The following OSBPL3 variants were observed in gnomAD, a reference collection of about 807,000 sequenced individuals.
OSBPL3 encodes the protein oxysterol binding protein like 3, also known as oxysterol-binding protein-related protein 3.
A neutral mutation model predicts 120.1 loss-of-function variants in OSBPL3; 65 were observed. That is an observed-to-expected ratio of 0.54 (90% CI 0.44 to 0.67). The LOEUF (loss-of-function observed/expected upper bound fraction) is 0.67, where lower values mean the gene tolerates loss of function less well. Ranked by LOEUF, OSBPL3 falls within the 30% of genes least tolerant of loss-of-function variation. OSBPL3 has a pLI of 0.00. For missense variants in OSBPL3, 1,004 were observed against 1,082.1 expected, an observed-to-expected ratio of 0.93 and a Z score of 1.01; for synonymous variants, 416 against 402.6, an observed-to-expected ratio of 1.03 and a Z score of -0.40.
chr7:24,886,773 C>A (rs928810250), intron 2 of OSBPL3, among the ~76,000 whole-genome samples: 1 of 152,152 alleles, frequency 6.6e-6, no homozygotes, highest in African/African-American at 2.4e-5. Flanking sequence ...GGTTCCAAAC[C>A]AGAACATTTG....
intron 1 of OSBPL3, among the ~76,000 whole-genome samples, chr7:24,971,453 A>G (rs954134509): frequency 6.6e-6 from 1 of 152,248 alleles, no homozygotes; most frequent in Non-Finnish European, 1.5e-5. Flanking sequence ...ACAAAGCTGT[A>G]TGCACAGATG....
rs187226776 is a variant in OSBPL3 at position 24,877,832 on chromosome 7, A to C, written c.97-5763T>G. Among the ~76,000 whole-genome samples the C allele has an allele frequency of 3.1e-4, 47 of 152,274 alleles. No individual in the cohort carries two copies. The highest frequency in any genetic ancestry group is 8.9e-4 in the African/African-American group (37 of 41,560). ...CATATCCTGAGACACAGTACAGGGT[A>C]GACTTGGGCCCTTGGGGAAATCAAG... is the stretch of plus-strand genomic sequence containing the variant. On this transcript the variant is annotated intron_variant, in intron 2 of 22. Transcript: ENST00000313367. This position sits in a 1 kb window ranked among gnomAD's most constrained non-coding sequence, Gnocchi z 4.8.
intron 2 of OSBPL3, among the ~76,000 whole-genome samples, chr7:24,886,424 G>A (rs910211745): frequency 6.6e-6 from 1 of 152,166 alleles, no homozygotes; most frequent in Non-Finnish European, 1.5e-5. Context: ...AAAATCAATG[G>A]GGAAGCCCTT....
At position 24,900,525 on chromosome 7, in the gene OSBPL3, A is replaced by G. The variant is rs1327892688; in HGVS notation, c.-149-7904T>C. ...TTGTCAGGGATTAGAGTAGACCCTG[A>G]GTTCTTTTCTGGGAAAGATTTTGTC... On this transcript the variant is annotated intron_variant, in intron 1 of 22. Coordinates refer to ENST00000313367, the MANE Select transcript of OSBPL3 (RefSeq NM_015550.4). The surrounding 1 kb of genome is among the most constrained non-coding windows in gnomAD (Gnocchi z 4.5). Among the ~76,000 whole-genome samples, 1 of 152,194 alleles carries G rather than the reference A, an allele frequency of 6.6e-6. No individual in the cohort carries two copies. Among genetic ancestry groups the G allele is most frequent in the Non-Finnish European group, 1.5e-5 (1 of 68,014 alleles).
At chr7:24,847,671 G>A (rs1798609902) in intron 12 of OSBPL3, among the ~76,000 whole-genome samples, 1 of 152,182 alleles carries the variant, frequency 6.6e-6, no homozygotes, top group African/African-American at 2.4e-5. Flanking sequence ...TTAACTACCT[G>A]TTAAATCAGT....
In OSBPL3 at chr7:24,967,666, G is replaced by A. The variant is rs1351680407; in HGVS notation, c.-150+12220C>T. On this transcript the variant is annotated intron_variant, in intron 1 of 22. Transcript: ENST00000313367. This position sits in a 1 kb window ranked among gnomAD's most constrained non-coding sequence, Gnocchi z 5.6. ...TATGGTCCTCCAATCTTTGTGACTA[G>A]TTACCCTTCCCCTACCTACCTCTTG... 1.3e-5 allele frequency among the ~76,000 whole-genome samples: 2 copies of A among 152,106 alleles called. No individual in the cohort carries two copies. Among genetic ancestry groups the A allele is most frequent in the Non-Finnish European group, 2.9e-5 (2 of 68,016 alleles).
chr7:24,930,394 A>C lies in OSBPL3; in HGVS notation c.-149-37773T>G, dbSNP rs1381989697. On this transcript the variant is annotated intron_variant, in intron 1 of 22. Transcript: ENST00000313367. The surrounding 1 kb of genome is among the most constrained non-coding windows in gnomAD (Gnocchi z 4.4). ...ACTGCCTATCCAAGATTAAGATTAC[A>C]CTTAACAAAGGTTTCCCATCTCTTG... 6.6e-6 allele frequency among the ~76,000 whole-genome samples: 1 copy of C among 152,178 alleles called. No individual in the cohort carries two copies. Among genetic ancestry groups the C allele is most frequent in the Admixed American group, 6.5e-5 (1 of 15,282 alleles).
Position 24,881,700 on chromosome 7 carries a change from G to C in OSBPL3, c.97-9631C>G, listed in dbSNP as rs1803704483. Among the ~76,000 whole-genome samples, 1 of 152,202 alleles carries C rather than the reference G, an allele frequency of 6.6e-6. No homozygotes were observed. Among genetic ancestry groups the C allele is most frequent in the African/African-American group, 2.4e-5 (1 of 41,446 alleles). On this transcript the variant is annotated intron_variant, in intron 2 of 22. Transcript: ENST00000313367. This position sits in a 1 kb window ranked among gnomAD's most constrained non-coding sequence, Gnocchi z 4.3. The stretch of plus-strand genomic sequence containing the variant: ...ATTCCTGAGGCCAACTTGATGAGCA[G>C]TCACAAACTTTGGTGGCTTAAATAA...
At chr7:24,856,238 T>G (rs987632835) in intron 10 of OSBPL3, among the ~76,000 whole-genome samples, 1 of 152,124 alleles carries the variant, frequency 6.6e-6, no homozygotes, top group Non-Finnish European at 1.5e-5. Context: ...AAGTCATAAG[T>G]TGCATCTACA....
intron 1 of OSBPL3, among the ~76,000 whole-genome samples, chr7:24,950,831 G>A (rs1389712445): frequency 6.6e-6 from 1 of 152,182 alleles, no homozygotes; most frequent in Admixed American, 6.5e-5. Context: ...CAGAATTAAA[G>A]TGGTTATGTA....
chr7:24,935,658 G>A (rs954068825), intron 1 of OSBPL3, among the ~76,000 whole-genome samples: 8 of 151,798 alleles, frequency 5.3e-5, no homozygotes, highest in Non-Finnish European at 1.0e-4. Flanking sequence ...GGCACATTAG[G>A]TTTTTTTAAA....
intron 1 of OSBPL3, among the ~76,000 whole-genome samples, chr7:24,897,320 CTTTTTTTTTT>C (rs35715609): frequency 3.9e-5 from 4 of 102,254 alleles, no homozygotes; most frequent in Admixed American, 1.1e-4. Context: ...ATGGCAGAAT[CTTTTTTTTTT>C]TTTTTTTTTT....
rs1802350045 is a variant in OSBPL3, at chr7:24,872,789, C to T, written c.97-720G>A. ...CCACTATTGGCTATTTAGGTTATTT[C>T]AACTAATTGAAAAAGAATTTTAAAA... is the stretch of plus-strand genomic sequence containing the variant. On this transcript the variant is annotated intron_variant, in intron 2 of 22. Coordinates refer to ENST00000313367, the MANE Select transcript of OSBPL3 (RefSeq NM_015550.4). This position sits in a 1 kb window ranked among gnomAD's most constrained non-coding sequence, Gnocchi z 4.1. Among the ~76,000 whole-genome samples the T allele has an allele frequency of 1.3e-5, 2 of 151,884 alleles. No homozygotes were observed. The highest frequency in any genetic ancestry group is 4.8e-5 in the African/African-American group (2 of 41,332).
chr7:24,900,982 C>A lies in OSBPL3; in HGVS notation c.-149-8361G>T. Among the ~76,000 whole-genome samples the A allele has an allele frequency of 6.7e-6, 1 of 149,170 alleles. No individual in the cohort carries two copies. Among genetic ancestry groups the A allele is most frequent in the East Asian group, 2.0e-4 (1 of 5,064 alleles). Reference sequence around the variant, plus strand: ...GTTGCAGTGAGCTGAGGTTTTGCCACTGCACTCCAGCCTGGGCTACAGAGC... The same window carrying A: ...GTTGCAGTGAGCTGAGGTTTTGCCAATGCACTCCAGCCTGGGCTACAGAGC... On this transcript the variant is annotated intron_variant, in intron 1 of 22. Transcript: ENST00000313367. This position sits in a 1 kb window ranked among gnomAD's most constrained non-coding sequence, Gnocchi z 4.5.
chr7:24,867,046 C>T lies in OSBPL3; in HGVS notation c.382-809G>A, dbSNP rs575252070. Among the ~76,000 whole-genome samples the T allele has an allele frequency of 1.2e-4, 18 of 152,294 alleles. No individual in the cohort carries two copies. In the East Asian group the frequency reaches 1.5e-3, roughly 13 times the overall value. On this transcript the variant is annotated intron_variant, in intron 5 of 22. Transcript: ENST00000313367. The surrounding 1 kb of genome is among the most constrained non-coding windows in gnomAD (Gnocchi z 4.5). Reference sequence around the variant, plus strand: ...CGAACTCCTGACCTGGTGATCTGCCCGCCTCGGCCTCCCAAAGTGCTGGGA... The same window carrying T: ...CGAACTCCTGACCTGGTGATCTGCCTGCCTCGGCCTCCCAAAGTGCTGGGA...
In OSBPL3 at chr7:24,820,170, A is replaced by G. The variant is rs369879160; in HGVS notation, c.1948+5T>C. The G allele has an allele frequency of 7.3e-5, 117 of 1,592,052 alleles. No individual in the cohort carries two copies. Among genetic ancestry groups the G allele is most frequent in the Non-Finnish European group, 9.9e-5 (115 of 1,160,972 alleles). On this transcript the variant is annotated splice_donor_5th_base_variant and intron_variant, in intron 17 of 22. Coordinates refer to ENST00000313367, the MANE Select transcript of OSBPL3 (RefSeq NM_015550.4). The surrounding 1 kb of genome is among the most constrained non-coding windows in gnomAD (Gnocchi z 4.6). ...TGATGGAAGTAAAATGTATTAGCAC[A>G]TTACCTTGCCAGAAAACAAAATTTC...
chr7:24,839,285 A>T (rs1411355678), intron 14 of OSBPL3, among the ~76,000 whole-genome samples: 3 of 152,240 alleles, frequency 2.0e-5, no homozygotes, highest in African/African-American at 4.8e-5. Flanking sequence ...ACGAGGACCC[A>T]TGCAGAGAAC....
At chr7:24,892,115 T>C (rs980347127) in intron 2 of OSBPL3, among the ~76,000 whole-genome samples, 2 of 152,118 alleles carry the variant, frequency 1.3e-5, no homozygotes, top group African/African-American at 4.8e-5. Flanking sequence ...ATGGGGAAAA[T>C]GAAGATGTTA....
rs11977540 is a variant in OSBPL3, at chr7:24,930,005, G to A, written c.-149-37384C>T. Among the ~76,000 whole-genome samples the A allele has an allele frequency of 0.31, 47,863 of 151,976 alleles. 8,754 individuals carry two copies. Among genetic ancestry groups the A allele is most frequent in the East Asian group, 0.51 (2,620 of 5,174 alleles). On this transcript the variant is annotated intron_variant, in intron 1 of 22. Coordinates refer to ENST00000313367, the MANE Select transcript of OSBPL3 (RefSeq NM_015550.4). The surrounding 1 kb of genome is among the most constrained non-coding windows in gnomAD (Gnocchi z 4.4). ...GTCTTCACCTCTCTGGGTTCTCATA[G>A]AGCAAGGTAAGGGTAAAGTAAAGGT...
Sources: gnomAD v4.1 joint callset for allele counts (sites outside exome capture counted in the v4.1 genomes callset) on GRCh38, gnomAD v4.1.1 for gene constraint, Gnocchi (gnomAD v3.1) non-coding constraint, MANE v1.5 for transcripts, NCBI Gene and HGNC (gene_info 2026-07-23, HGNC 2026-07-21) for gene names.